The following SMURF1 variants were observed in gnomAD, a reference collection of about 807,000 sequenced individuals.
SMURF1 encodes the protein E3 ubiquitin-protein ligase SMURF1.
A neutral mutation model predicts 98.0 loss-of-function variants in SMURF1; 44 were observed. That is an observed-to-expected ratio of 0.45 (90% CI 0.35 to 0.58). The LOEUF is 0.58. Among genes scored for constraint, SMURF1 ranks in the 20% least tolerant of loss-of-function variants. The pLI is 0.00. For synonymous variants in SMURF1, 396 were observed against 374.9 expected (o/e 1.06, Z -0.65); for missense variants, 687 against 938.4 (o/e 0.73, Z 3.50).
intron 1 of SMURF1, among the ~76,000 whole-genome samples, chr7:99,099,036 G>GAACATGTGT (rs1013259602): frequency 3.3e-5 from 5 of 152,184 alleles, no homozygotes; most frequent in African/African-American, 1.2e-4. Context: ...TCTATAGAAA[G>GAACATGTGT]AACATGTGTA....
intron 1 of SMURF1, among the ~76,000 whole-genome samples, chr7:99,123,626 G>A (rs1415517603): frequency 6.6e-6 from 1 of 152,066 alleles, no homozygotes; most frequent in Non-Finnish European, 1.5e-5. Flanking sequence ...ATTTTATATG[G>A]TTACTCATCT....
At chr7:99,040,606 T>C (rs778126075) in intron 12 of SMURF1, 50 bp from the exon 13 acceptor site, 1 of 1,363,944 alleles carries the variant, frequency 7.3e-7, no homozygotes, top group Non-Finnish European at 9.5e-7. Context: ...TGCCGGCCAA[T>C]GTGGGAATCT....
At chr7:99,068,447 T>C (rs1796246820) in intron 1 of SMURF1, among the ~76,000 whole-genome samples, 1 of 152,176 alleles carries the variant, frequency 6.6e-6, no homozygotes, top group African/African-American at 2.4e-5. Flanking sequence ...TGCACCACTA[T>C]GCTCAGCTAA....
intron 3 of SMURF1, 40 bp from the exon 4 acceptor site, chr7:99,057,591 G>T (rs1310175943): frequency 4.8e-5 from 64 of 1,323,468 alleles, no homozygotes; most frequent in Middle Eastern, 3.9e-4. Flanking sequence ...ATTGTGTTTG[G>T]TTTTTTTTGT....
At position 99,030,611 on chromosome 7, in the gene SMURF1, C is replaced by T; in HGVS notation, c.2169G>A (p.Glu723=). 2.5e-6 allele frequency: 4 copies of T among 1,614,182 alleles called. No individual in the cohort carries two copies. Among genetic ancestry groups the T allele is most frequent in the Non-Finnish European group, 3.4e-6 (4 of 1,180,044 alleles). The change falls in exon 18 of 18, where the codon GAG becomes GAA. Residue 723 remains glutamate, a synonymous_variant. Transcript: ENST00000361368. The stretch of plus-strand genomic sequence containing the variant: ...ACTCCACAGCAAACCCGCAGGTCTC[C>T]TCCACGGCTGTCAGCAGCTTCTCGT... ...KLYEKLLTAV[E]ETCGFAVE
rs148312786 is a variant in SMURF1, at chr7:99,040,421, C to G, written c.1507G>C (p.Glu503Gln). Residue 503 changes from glutamate to glutamine, a missense_variant, in exon 13 of 18, where the codon GAA becomes CAA. Physicochemically the swap from Glu to Gln is conservative, Grantham distance 29. This residue lies in a region of SMURF1 where 272 missense variants were observed against 430.0 expected (regional missense o/e 0.63). Transcript: ENST00000361368. ...LGKPIQLSDLESVDPELHKSL... is the reference protein window; with the variant it reads ...LGKPIQLSDLQSVDPELHKSL... Reference sequence around the variant, plus strand: ...TTATGCAGCTCTGGGTCCACAGATTCCAGATCTGAGAGCTGGATGGGCTTC... The same window carrying G: ...TTATGCAGCTCTGGGTCCACAGATTGCAGATCTGAGAGCTGGATGGGCTTC... 1 of 1,585,846 alleles carries G rather than the reference C, an allele frequency of 6.3e-7. No homozygotes were observed.
intron 1 of SMURF1, among the ~76,000 whole-genome samples, chr7:99,083,795 A>G (rs752335606): frequency 2.6e-5 from 4 of 152,190 alleles, no homozygotes; most frequent in Non-Finnish European, 5.9e-5. Flanking sequence ...GGTTTGTTTA[A>G]TGGTTCACAG....
chr7:99,052,265 G>A lies in SMURF1; in HGVS notation c.661C>T (p.Leu221=). Residue 221 remains leucine, a synonymous_variant, in exon 7 of 18, where the codon CTA becomes TTA. Transcript: ENST00000361368. ...TGTGGTCGGTTCTGGGGCGTCTGTA[G>A]TGAACCTCGCACATCAGGGTTTCGA... ...RLRNPDVRGS[L]QTPQNRPHGH... The A allele has an allele frequency of 6.2e-7, 1 of 1,611,060 alleles. No homozygotes were observed. The highest frequency in any genetic ancestry group is 8.5e-7 in the Non-Finnish European group (1 of 1,178,444).
chr7:99,115,583 AAGAG>A (rs1797420638), intron 1 of SMURF1, among the ~76,000 whole-genome samples: 3 of 152,270 alleles, frequency 2.0e-5, no homozygotes, highest in South Asian at 2.1e-4. Context: ...TCTTGAAAGA[AAGAG>A]AGAGAAAGAG....
chr7:99,143,044 T>C (rs1584227623), intron 1 of SMURF1, among the ~76,000 whole-genome samples: 1 of 120,026 alleles, frequency 8.3e-6, no homozygotes, highest in Non-Finnish European at 1.7e-5. Context: ...CAGGAAGAAG[T>C]GAGGGCCCAG....
intron 1 of SMURF1, among the ~76,000 whole-genome samples, chr7:99,097,084 GAA>G (rs540572519): frequency 1.5e-5 from 2 of 135,392 alleles, no homozygotes; most frequent in Admixed American, 7.3e-5. Flanking sequence ...TGAACTGAAA[GAA>G]AAAAAAAAAA....
chr7:99,086,407 A>C (rs1341318740), intron 1 of SMURF1, among the ~76,000 whole-genome samples: 1 of 152,104 alleles, frequency 6.6e-6, no homozygotes, highest in Non-Finnish European at 1.5e-5. Flanking sequence ...AAAAAAAAAA[A>C]AAATACAGAG....
At chr7:99,080,987 G>A (rs1392168997) in intron 1 of SMURF1, 1 of 152,250 alleles carries the variant, frequency 6.6e-6, no homozygotes, top group East Asian at 1.9e-4. Flanking sequence ...ACTCCTATCG[G>A]CCTTGATATC....
Position 99,119,725 on chromosome 7 carries a change from G to A in SMURF1, c.55+24001C>T, listed in dbSNP as rs889818687. ...TCACTTCAGATCTCCCCAGTTGGGG[G>A]CCTTTGGGCACTGACAGGTAAGGGG... On this transcript the variant is annotated intron_variant, in intron 1 of 17. Coordinates refer to ENST00000361368, the MANE Select transcript of SMURF1 (RefSeq NM_181349.3). Among the ~76,000 whole-genome samples, 2 of 152,144 alleles carry A rather than the reference G, an allele frequency of 1.3e-5. 1 individual carries two copies.
At chr7:99,139,434 C>G (rs1798063830) in intron 1 of SMURF1, among the ~76,000 whole-genome samples, 1 of 152,118 alleles carries the variant, frequency 6.6e-6, no homozygotes, top group Non-Finnish European at 1.5e-5. Context: ...CATAAAAGCA[C>G]AAAAAAGTTT....
In SMURF1 at chr7:99,143,809, T is replaced by C; in HGVS notation, c.-29A>G. ...CCGCCAACGATCGGGCAGCCGCGGA[T>C]CCAGCGCCACCGCCCCCCAGCCCGG... is the stretch of plus-strand genomic sequence containing the variant. On this transcript the variant is annotated 5_prime_UTR_variant, in exon 1 of 18. Coordinates refer to ENST00000361368, the MANE Select transcript of SMURF1 (RefSeq NM_181349.3). 6.7e-7 allele frequency: 1 copy of C among 1,492,940 alleles called. No homozygotes were observed. The highest frequency in any genetic ancestry group is 8.9e-7 in the Non-Finnish European group (1 of 1,117,704). The allele number at this position is 1,492,940 out of a possible 1,614,324, so 92.5% of individuals were successfully genotyped here.
chr7:99,123,832 T>G (rs1460595871), intron 1 of SMURF1, among the ~76,000 whole-genome samples: 1 of 152,190 alleles, frequency 6.6e-6, no homozygotes, highest in Non-Finnish European at 1.5e-5. Flanking sequence ...CCAAATATCT[T>G]CCCAAAGCAG....
In SMURF1 at chr7:99,040,358, G is replaced by A. The variant is rs373766760; in HGVS notation, c.1550+20C>T. The stretch of plus-strand genomic sequence containing the variant: ...GTGGTGGGCCCTAAGCCAGGTGACC[G>A]GCCGTCAGTCAATACTTACAGGATC... On this transcript the variant is annotated intron_variant, in intron 13 of 17. Transcript: ENST00000361368. The A allele has an allele frequency of 9.6e-6, 14 of 1,455,750 alleles. No individual in the cohort carries two copies. The highest frequency in any genetic ancestry group is 2.9e-5 in the African/African-American group (2 of 69,128). 90.2% of individuals were successfully genotyped at this position (1,455,750 alleles called of 1,614,324 possible). A position where few individuals can be genotyped will look rare whatever the true frequency, so the allele number is the denominator to read the frequency against.
chr7:99,085,148 C>G (rs1011297485), intron 1 of SMURF1, among the ~76,000 whole-genome samples: 20 of 151,720 alleles, frequency 1.3e-4, no homozygotes, highest in African/African-American at 4.1e-4. Context: ...GTCAGGAGTT[C>G]GAGACCAGCC....
Sources: allele counts gnomAD v4.1 joint callset (sites outside exome capture counted in the v4.1 genomes callset), GRCh38; gene constraint gnomAD v4.1.1; regional missense constraint gnomAD v4.1.1; transcripts MANE v1.5; gene names NCBI Gene and HGNC (gene_info 2026-07-23, HGNC 2026-07-21).